The following ZNF16 variants were observed in gnomAD, a reference collection of about 807,000 sequenced individuals.
The protein encoded by ZNF16 is zinc finger protein KOX9.
A neutral mutation model predicts 9.0 loss-of-function variants in ZNF16; 7 were observed. The ratio of observed to expected loss-of-function variants is 0.78; its 90% confidence interval spans 0.44 to 1.47. The LOEUF (loss-of-function observed/expected upper bound fraction) is 1.47. Among genes scored for constraint, ZNF16 ranks in the 40% most tolerant of loss-of-function variants. ZNF16 has a pLI of 0.01. For synonymous variants in ZNF16, 312 were observed against 301.5 expected (o/e 1.03, Z -0.36); for missense variants, 830 against 854.2 (o/e 0.97, Z 0.35).
chr8:144,944,149 C>T (rs61232197), intron 2 of ZNF16: 5,184 of 151,588 alleles, frequency 0.034, 166 homozygotes, highest in African/African-American at 0.087. Flanking sequence ...CAGCTCACTG[C>T]AAGCTCCGCC....
In ZNF16 at chr8:144,933,247, C is replaced by T. The variant is rs575526008; in HGVS notation, c.197-657G>A. 3.9e-5 allele frequency among the ~76,000 whole-genome samples: 6 copies of T among 152,256 alleles called. No homozygotes were observed. Among genetic ancestry groups the T allele is most frequent in the African/African-American group, 9.6e-5 (4 of 41,540 alleles). On this transcript the variant is annotated intron_variant, in intron 2 of 2. Transcript: ENST00000394909. The surrounding 1 kb of genome is among the most constrained non-coding windows in gnomAD (Gnocchi z 5.6). ...GAGGCATCATTCAACCACTCCTGTG[C>T]GGCAGGGACCTGTGTGGAACATCAG...
intron 1 of ZNF16, among the ~76,000 whole-genome samples, chr8:144,947,413 C>T (rs1833991538): frequency 6.8e-6 from 1 of 147,398 alleles, no homozygotes; most frequent in African/African-American, 2.5e-5. Flanking sequence ...CCTGCTGTGA[C>T]CACTCTTCTC....
chr8:144,947,266 GGCCTGTACCCT>G, intron 1 of ZNF16, among the ~76,000 whole-genome samples: 2 of 113,398 alleles, frequency 1.8e-5, no homozygotes, highest in Non-Finnish European at 1.8e-5. Context: ...CCTGCTGTGG[GGCCTGTACCCT>G]GCTGTGGGGC....
rs1213887881 is a variant in ZNF16 at position 144,932,388 on chromosome 8, C to A, written c.399G>T (p.Glu133Asp). The A allele has an allele frequency of 6.2e-7, 1 of 1,614,084 alleles. No homozygotes were observed. The highest frequency in any genetic ancestry group is 1.7e-5 in the Admixed American group (1 of 60,008). The change falls in exon 3 of 3, where the codon GAG becomes GAT. Residue 133 changes from glutamate (E) to aspartate (D), a missense_variant. Transcript: ENST00000394909. This position sits in a 1 kb window ranked among gnomAD's most constrained non-coding sequence, Gnocchi z 5.0. ...GRRLPQSLSQEGDFTPAAMGL... is the reference protein window; with the variant it reads ...GRRLPQSLSQDGDFTPAAMGL... ...CCATGGCAGCTGGTGTGAAGTCCCCCTCCTGGGAGAGGGACTGTGGCAGCC... is the reference window on the plus strand; with the variant it reads ...CCATGGCAGCTGGTGTGAAGTCCCCATCCTGGGAGAGGGACTGTGGCAGCC...
At position 144,931,002 on chromosome 8, in the gene ZNF16, A is replaced by G. The variant is rs748735270; in HGVS notation, c.1785T>C (p.His595=). ...SSNLIHHQKV[H]TGEKPYTCVE... is the part of the protein sequence containing the mutation. ...CACAGGTGTAGGGTTTTTCCCCAGT[A>G]TGAACTTTCTGGTGGTGAATGAGAT... is the stretch of plus-strand genomic sequence containing the variant. The change falls in exon 3 of 3, where the codon CAT becomes CAC. Residue 595 remains histidine, a synonymous_variant. Transcript: ENST00000394909. 3.5e-5 allele frequency: 57 copies of G among 1,613,914 alleles called. No homozygotes were observed. The South Asian group carries it at 5.8e-4, about 16-fold the overall frequency.
At chr8:144,940,924 A>G (rs1390928804) in intron 2 of ZNF16, among the ~76,000 whole-genome samples, 1 of 152,142 alleles carries the variant, frequency 6.6e-6, no homozygotes, top group Non-Finnish European at 1.5e-5. Context: ...TCTTATAAGG[A>G]GATAATCCCA....
In ZNF16 at chr8:144,950,172, A is replaced by G. The variant is rs948571976; in HGVS notation, c.-10+625T>C. Among the ~76,000 whole-genome samples the G allele has an allele frequency of 4.6e-5, 7 of 151,822 alleles. No homozygotes were observed. In the South Asian group the frequency reaches 6.2e-4, roughly 13 times the overall value. On this transcript the variant is annotated intron_variant, in intron 1 of 2. Transcript: ENST00000394909. ...ACCTCCCCTTAAACTTAATTATGGC[A>G]CAGATTCTTTTGCTCACATGCTTTT... is the stretch of plus-strand genomic sequence containing the variant.
At position 144,933,984 on chromosome 8, in the gene ZNF16, G is replaced by A. The variant is rs768070546; in HGVS notation, c.197-1394C>T. Among the ~76,000 whole-genome samples, 25 of 152,326 alleles carry A rather than the reference G, an allele frequency of 1.6e-4. No individual in the cohort carries two copies. Among genetic ancestry groups the A allele is most frequent in the Non-Finnish European group, 2.9e-4 (20 of 68,024 alleles). On this transcript the variant is annotated intron_variant, in intron 2 of 2. Coordinates refer to ENST00000394909, the MANE Select transcript of ZNF16 (RefSeq NM_006958.3). The surrounding 1 kb of genome is among the most constrained non-coding windows in gnomAD (Gnocchi z 5.6). ...CTGTAGTCGGTAGTGCTGAGTGGGT[G>A]TGAAGGATGCCCCTCCAATGCCCCT...
Position 144,931,703 on chromosome 8 carries a change from A to T in ZNF16, c.1084T>A (p.Ser362Thr). The T allele has an allele frequency of 6.2e-7, 1 of 1,613,726 alleles. No homozygotes were observed. The highest frequency in any genetic ancestry group is 8.5e-7 in the Non-Finnish European group (1 of 1,179,838). The stretch of plus-strand genomic sequence containing the variant: ...GTCCTGTGGTGTTTGATGAGGTTTG[A>T]GCTTCGCCTGAAGGCCTTCCCACAC... ...SECGKAFRRS[S>T]NLIKHHRTHT... The change falls in exon 3 of 3, where the codon TCA becomes ACA. Residue 362 changes from serine (S) to threonine (T), a missense_variant. By Grantham distance (58) the Ser-to-Thr change is moderately conservative. Coordinates refer to ENST00000394909, the MANE Select transcript of ZNF16 (RefSeq NM_006958.3).
At chr8:144,939,054 G>A (rs188224537) in intron 2 of ZNF16, among the ~76,000 whole-genome samples, 10 of 152,078 alleles carry the variant, frequency 6.6e-5, no homozygotes, top group Admixed American at 1.3e-4. Context: ...GTTTTCTTAT[G>A]TTGAACCACC....
chr8:144,945,014 T>A (rs1329171067), intron 2 of ZNF16: 1 of 152,220 alleles, frequency 6.6e-6, no homozygotes, highest in Non-Finnish European at 1.5e-5. Context: ...AGCCTAGAGA[T>A]TAGACAGAGT....
rs1308457033 is a variant in ZNF16 at position 144,937,137 on chromosome 8, CTCTCTCTTTT to C, written c.197-4557_197-4548del. Among the ~76,000 whole-genome samples the C allele has an allele frequency of 5.1e-3, 571 of 113,000 alleles. 10 individuals are homozygous for C. The highest frequency in any genetic ancestry group is 0.017 in the African/African-American group (535 of 31,308). The allele number at this position is 113,000 out of a possible 152,430, so 74.1% of individuals were successfully genotyped here. On this transcript the variant is annotated intron_variant, in intron 2 of 2. Coordinates refer to ENST00000394909, the MANE Select transcript of ZNF16 (RefSeq NM_006958.3). ...GCAGGATGCTTTTTTCACTTTCTTT[CTCTCTCTTTT>C]TTTTTTTTTTTTTTTTTGAGACAGA... is the stretch of plus-strand genomic sequence containing the variant.
At chr8:144,940,771 C>G (rs747094000) in intron 2 of ZNF16, among the ~76,000 whole-genome samples, 4 of 152,204 alleles carry the variant, frequency 2.6e-5, no homozygotes, top group Non-Finnish European at 4.4e-5. Context: ...TTATTGCTCA[C>G]AGTTCTGGAG....
intron 2 of ZNF16, among the ~76,000 whole-genome samples, chr8:144,938,359 G>T (rs1186681743): frequency 6.6e-6 from 1 of 152,194 alleles, no homozygotes; most frequent in Non-Finnish European, 1.5e-5. Context: ...TAGGTAGTTT[G>T]GATGATTAAT....
At chr8:144,936,002 T>C (rs1294312399) in intron 2 of ZNF16, among the ~76,000 whole-genome samples, 1 of 152,234 alleles carries the variant, frequency 6.6e-6, no homozygotes, top group African/African-American at 2.4e-5. Context: ...TATAATGTTA[T>C]GCAACCACCA....
At chr8:144,947,733 A>G (rs2130064901) in intron 1 of ZNF16, among the ~76,000 whole-genome samples, 1 of 152,230 alleles carries the variant, frequency 6.6e-6, no homozygotes, top group South Asian at 2.1e-4. Flanking sequence ...TTCCTTGGTG[A>G]TTATGTCCAG....
At chr8:144,945,785 C>T (rs1310405819) in intron 2 of ZNF16, 3 of 825,768 alleles carry the variant, frequency 3.6e-6, no homozygotes, top group Non-Finnish European at 5.3e-6. Context: ...GCCATCATGT[C>T]ATACCTCTTC....
At chr8:144,947,744 T>TA (rs1833999390) in intron 1 of ZNF16, among the ~76,000 whole-genome samples, 1 of 152,146 alleles carries the variant, frequency 6.6e-6, no homozygotes, top group African/African-American at 2.4e-5. Flanking sequence ...TTATGTCCAG[T>TA]CTTGAGGCAT....
chr8:144,931,918 T>G lies in ZNF16; in HGVS notation c.869A>C (p.Glu290Ala), dbSNP rs1041405952. ...ACATTCATTACACATATAAGGCCTC[T>G]CACTGCTGTGGTGACTCTGATGCCT... ...FSRHQSHHSS[E>A]RPYMCNECGK... The change falls in exon 3 of 3, where the codon GAG becomes GCG. Residue 290 changes from glutamate to alanine, a missense_variant. Transcript: ENST00000394909. 1 of 1,613,572 alleles carries G rather than the reference T, an allele frequency of 6.2e-7. No individual in the cohort carries two copies. The highest frequency in any genetic ancestry group is 1.3e-5 in the African/African-American group (1 of 75,040).
Sources: gnomAD v4.1 joint callset for allele counts (sites outside exome capture counted in the v4.1 genomes callset) on GRCh38, gnomAD v4.1.1 for gene constraint, Gnocchi (gnomAD v3.1) non-coding constraint, MANE v1.5 for transcripts, NCBI Gene and HGNC (gene_info 2026-07-23, HGNC 2026-07-21) for gene names.